WDR12: variants seen among roughly 807,000 people sequenced by gnomAD.
WDR12 encodes WD repeat domain 12.
In WDR12, 42 loss-of-function variants were observed where a neutral mutation model predicts 64.3. The observed-to-expected ratio is 0.65, with a 90% confidence interval of 0.51 to 0.84. WDR12 has a LOEUF of 0.84. Among genes scored for constraint, WDR12 ranks in the 40% least tolerant of loss-of-function variants. The pLI is 0.00. For missense variants in WDR12, 469 were observed against 494.6 expected, an observed-to-expected ratio of 0.95 and a Z score of 0.49; for synonymous variants, 158 against 173.3, an observed-to-expected ratio of 0.91 and a Z score of 0.70.
At chr2:202,900,915 A>G in intron 3 of WDR12, 110 bp downstream of exon 3, 2 of 821,888 alleles carry the variant, frequency 2.4e-6, no homozygotes, top group Non-Finnish European at 3.7e-6. Flanking sequence ...CAATATATTA[A>G]AAAGAATCTT....
chr2:202,905,246 A>G (rs1425703946), intron 2 of WDR12, among the ~76,000 whole-genome samples: 1 of 152,220 alleles, frequency 6.6e-6, no homozygotes, highest in Non-Finnish European at 1.5e-5. Flanking sequence ...CCCGGGTTCA[A>G]GCAATTCTCC....
chr2:202,894,102 G>C (rs554467738), intron 7 of WDR12, among the ~76,000 whole-genome samples: 8 of 152,148 alleles, frequency 5.3e-5, no homozygotes, highest in East Asian at 1.9e-4. Context: ...TGTAAGTAAG[G>C]GGGTGGTGGG....
intron 8 of WDR12, among the ~76,000 whole-genome samples, chr2:202,887,687 G>A (rs1036546382): frequency 1.8e-4 from 28 of 151,682 alleles, no homozygotes; most frequent in East Asian, 7.9e-4. Flanking sequence ...AGGAGATCGA[G>A]ACCATCCTGG....
In WDR12 at chr2:202,901,034, G is replaced by A; in HGVS notation, c.222C>T (p.Asn74=). 1.3e-6 allele frequency: 2 copies of A among 1,587,380 alleles called. No homozygotes were observed. The highest frequency in any genetic ancestry group is 1.7e-5 in the Admixed American group (1 of 59,092). The change falls in exon 3 of 13, where the codon AAC becomes AAT. Residue 74 remains asparagine (N), a synonymous_variant. Coordinates refer to ENST00000261015, the MANE Select transcript of WDR12 (RefSeq NM_018256.4). ...AAGAATTTGAACTTACTGATGAGAT[G>A]TTCTCCATTTCCATGTGTTTGTCCA... The part of the protein sequence containing the change: ...MPLDKHMEME[N]ISSEEVVEIE...
chr2:202,908,990 T>C (rs1012247701), intron 1 of WDR12, among the ~76,000 whole-genome samples: 1 of 152,192 alleles, frequency 6.6e-6, no homozygotes, highest in Non-Finnish European at 1.5e-5. Flanking sequence ...CACAATGAAA[T>C]ATAATTTCAC....
rs533877821 is a variant in WDR12 at position 202,896,108 on chromosome 2, G to A, written c.566C>T (p.Ala189Val). ...VKALHCCRGH[A>V]GSVDSIAVDG... ...AACAGCTATAGAATCTACACTTCCA[G>A]CATGACCTCTACAGCAGTGTAGGGC... is the stretch of plus-strand genomic sequence containing the variant. Residue 189 changes from alanine (A) to valine (V), a missense_variant, in exon 6 of 13, where the codon GCT (alanine) becomes GTT (valine). Transcript: ENST00000261015. The A allele has an allele frequency of 6.2e-7, 1 of 1,614,036 alleles. No individual in the cohort carries two copies. The highest frequency in any genetic ancestry group is 1.1e-5 in the South Asian group (1 of 91,074).
chr2:202,884,355 T>C, intron 9 of WDR12, 40 bp downstream of exon 9: 2 of 1,613,652 alleles, frequency 1.2e-6, no homozygotes, highest in Admixed American at 1.7e-5. Flanking sequence ...AAACCATCTC[T>C]AGAAGTTTAT....
At position 202,897,257 on chromosome 2, in the gene WDR12, T is replaced by C. The variant is rs760956166; in HGVS notation, c.454+43A>G. On this transcript the variant is annotated intron_variant, in intron 5 of 12. Transcript: ENST00000261015. ...GCACCAAAAATGGCTTATTTCCAAA[T>C]CCCTATCTAGGATTCCTCTAAGTGT... 15 of 1,419,696 alleles carry C rather than the reference T, an allele frequency of 1.1e-5. No individual in the cohort carries two copies. The South Asian group carries it at 1.9e-4, about 18-fold the overall frequency. The allele number at this position is 1,419,696 out of a possible 1,614,324, so 87.9% of individuals were successfully genotyped here. A position where few individuals can be genotyped will look rare whatever the true frequency, so the allele number is the denominator to read the frequency against.
chr2:202,900,487 G>A (rs1319584869), intron 3 of WDR12, among the ~76,000 whole-genome samples: 1 of 152,126 alleles, frequency 6.6e-6, no homozygotes, highest in Non-Finnish European at 1.5e-5. Flanking sequence ...CCACTGAATT[G>A]TATACTTAAA....
In WDR12 at chr2:202,880,796, T is replaced by C; in HGVS notation, c.*64A>G. On this transcript the variant is annotated 3_prime_UTR_variant, in exon 13 of 13. Coordinates refer to ENST00000261015, the MANE Select transcript of WDR12 (RefSeq NM_018256.4). ...GCTTTCTGCATCTGCATCTATGTAA[T>C]TTCATGGTTCTCTACCAATTTCATT... 1.4e-6 allele frequency: 2 copies of C among 1,468,088 alleles called. No homozygotes were observed. Among genetic ancestry groups the C allele is most frequent in the South Asian group, 1.3e-5 (1 of 78,242 alleles). The allele number at this position is 1,468,088 out of a possible 1,614,324, so 90.9% of individuals were successfully genotyped here. A position where few individuals can be genotyped will look rare whatever the true frequency, so the allele number is the denominator to read the frequency against.
intron 8 of WDR12, among the ~76,000 whole-genome samples, chr2:202,890,317 T>C (rs1688131921): frequency 6.6e-6 from 1 of 152,170 alleles, no homozygotes; most frequent in African/African-American, 2.4e-5. Flanking sequence ...ATATGAAATT[T>C]TAAAAATAGG....
chr2:202,889,552 T>C (rs1280990807), intron 8 of WDR12, among the ~76,000 whole-genome samples: 1 of 151,972 alleles, frequency 6.6e-6, no homozygotes. Flanking sequence ...TTCATAATTA[T>C]CAAAGATCCA....
intron 2 of WDR12, among the ~76,000 whole-genome samples, chr2:202,901,857 T>C (rs567172990): frequency 6.6e-6 from 1 of 151,804 alleles, no homozygotes; most frequent in African/African-American, 2.4e-5. Context: ...GTTTTTTGGG[T>C]TTTTTTTGAC....
rs1687864474 is a variant in WDR12 at position 202,876,691 on chromosome 2, T to C, written c.*4169A>G. The C allele has an allele frequency of 6.6e-6, 1 of 152,126 alleles. No individual in the cohort carries two copies. Among genetic ancestry groups the C allele is most frequent in the Non-Finnish European group, 1.5e-5 (1 of 68,032 alleles). The allele number at this position is 152,126 out of a possible 1,614,324, so 9.4% of individuals were successfully genotyped here. ...AGTGGCATGCCTATAATCCGAGCACTTAGGGAGGCTGAGGCATGAGGACTG... is the reference window on the plus strand; with the variant it reads ...AGTGGCATGCCTATAATCCGAGCACCTAGGGAGGCTGAGGCATGAGGACTG... On this transcript the variant is annotated 3_prime_UTR_variant, in exon 13 of 13. Coordinates refer to ENST00000261015, the MANE Select transcript of WDR12 (RefSeq NM_018256.4).
chr2:202,900,827 T>C (rs1688334825), intron 3 of WDR12, among the ~76,000 whole-genome samples, 198 bp downstream of exon 3: 1 of 152,136 alleles, frequency 6.6e-6, no homozygotes, highest in African/African-American at 2.4e-5. Flanking sequence ...TATACATATA[T>C]ATATACACAC....
chr2:202,886,031 A>G (rs1035143091), intron 8 of WDR12, among the ~76,000 whole-genome samples: 2 of 151,732 alleles, frequency 1.3e-5, no homozygotes, highest in African/African-American at 4.8e-5. Flanking sequence ...CACTCCAGCC[A>G]GGCCCACTCC....
chr2:202,905,949 T>C (rs1688449560), intron 2 of WDR12, among the ~76,000 whole-genome samples: 1 of 152,126 alleles, frequency 6.6e-6, no homozygotes, highest in Admixed American at 6.5e-5. Flanking sequence ...ATAAATAAGA[T>C]CTTGTATTTG....
At chr2:202,889,750 TTAA>T (rs1688114728) in intron 8 of WDR12, among the ~76,000 whole-genome samples, 1 of 134,284 alleles carries the variant, frequency 7.4e-6, no homozygotes, top group Non-Finnish European at 1.6e-5. Flanking sequence ...CCCCATCTCT[TTAA>T]AAAAAAAAAA....
chr2:202,895,689 A>ATTT (rs56005993), intron 6 of WDR12, among the ~76,000 whole-genome samples: 5 of 119,226 alleles, frequency 4.2e-5, no homozygotes, highest in Admixed American at 3.4e-4. Flanking sequence ...TGCCCGGCTT[A>ATTT]TTTTTTTTTT....
Sources: gnomAD v4.1 joint callset for allele counts (sites outside exome capture counted in the v4.1 genomes callset) on GRCh38, gnomAD v4.1.1 for gene constraint, MANE v1.5 for transcripts, NCBI Gene and HGNC (gene_info 2026-07-23, HGNC 2026-07-21) for gene names.